DSCAM: variants seen among roughly 807,000 people sequenced by gnomAD.
DSCAM encodes DS cell adhesion molecule.
In DSCAM, 47 loss-of-function variants were observed where a neutral mutation model predicts 217.7. The ratio of observed to expected loss-of-function variants is 0.22; its 90% CI spans 0.17 to 0.28. DSCAM has a LOEUF of 0.28. DSCAM is among the 10% of genes least tolerant of loss of function. The probability of loss-of-function intolerance (pLI) is 1.00; values close to 1 mark genes in which losing one functional copy is unlikely to be tolerated. For synonymous variants in DSCAM, 1,056 were observed against 1,015.3 expected, an observed-to-expected ratio of 1.04 and a Z score of -0.76; for missense variants, 2,080 against 2,618.3, an observed-to-expected ratio of 0.79 and a Z score of 4.49.
chr21:40,549,964 G>A (rs1320234601), intron 3 of DSCAM, among the ~76,000 whole-genome samples: 2 of 152,316 alleles, frequency 1.3e-5, no homozygotes, highest in South Asian at 2.1e-4. Flanking sequence ...GCTAAGCAAA[G>A]AGTCTTGCTT....
At chr21:40,357,767 C>T (rs913863414) in intron 4 of DSCAM, among the ~76,000 whole-genome samples, 5 of 151,766 alleles carry the variant, frequency 3.3e-5, no homozygotes, top group Non-Finnish European at 4.4e-5. Flanking sequence ...TGTTAAATAA[C>T]GAGTTAATGG....
chr21:40,418,252 G>A (rs1429966433), intron 3 of DSCAM, among the ~76,000 whole-genome samples: 2 of 152,152 alleles, frequency 1.3e-5, no homozygotes, highest in African/African-American at 4.8e-5. Context: ...TGGGTGGGAA[G>A]ACAGGAAAGT....
chr21:40,197,119 T>C (rs2091019153), intron 11 of DSCAM, among the ~76,000 whole-genome samples: 1 of 145,020 alleles, frequency 6.9e-6, no homozygotes, highest in East Asian at 1.9e-4. Context: ...TCTTTCTTTC[T>C]TTCTTTTTTT....
intron 3 of DSCAM, among the ~76,000 whole-genome samples, chr21:40,458,833 A>G (rs988687504): frequency 1.3e-5 from 2 of 152,146 alleles, no homozygotes; most frequent in Non-Finnish European, 2.9e-5. Context: ...AAGTTCATTA[A>G]ATATTTCCCC....
intron 3 of DSCAM, among the ~76,000 whole-genome samples, chr21:40,511,500 TC>T (rs371637047): frequency 3.9e-5 from 6 of 152,306 alleles, no homozygotes; most frequent in African/African-American, 1.2e-4. Flanking sequence ...CTTTATCATT[TC>T]TCCAAAGAAA....
intron 10 of DSCAM, among the ~76,000 whole-genome samples, chr21:40,292,550 C>T (rs749010240): frequency 6.6e-6 from 1 of 150,804 alleles, no homozygotes; most frequent in Non-Finnish European, 1.5e-5. Context: ...AAGAGACAGA[C>T]ACTACTGCAA....
intron 3 of DSCAM, among the ~76,000 whole-genome samples, chr21:40,541,382 G>A (rs1435486121): frequency 6.6e-6 from 1 of 152,142 alleles, no homozygotes; most frequent in Non-Finnish European, 1.5e-5. Flanking sequence ...GTAAGCATCA[G>A]ATAATACATA....
chr21:40,736,180 G>C (rs1827349042), intron 1 of DSCAM, among the ~76,000 whole-genome samples: 1 of 152,176 alleles, frequency 6.6e-6, no homozygotes, highest in African/African-American at 2.4e-5. Flanking sequence ...TATGGGGAAA[G>C]GGACACAGAG....
At chr21:40,834,228 GA>G (rs1377632495) in intron 1 of DSCAM, among the ~76,000 whole-genome samples, 1 of 151,698 alleles carries the variant, frequency 6.6e-6, no homozygotes, top group East Asian at 1.9e-4. Flanking sequence ...CTAACATGGT[GA>G]AACCCCGTCT....
chr21:40,139,321 C>T (rs2090259926), intron 18 of DSCAM, among the ~76,000 whole-genome samples: 1 of 151,984 alleles, frequency 6.6e-6, no homozygotes, highest in South Asian at 2.1e-4. Flanking sequence ...TGGTTTTATA[C>T]ATTTTAGGGA....
intron 3 of DSCAM, among the ~76,000 whole-genome samples, chr21:40,576,178 C>G (rs894045783): frequency 6.6e-6 from 1 of 152,184 alleles, no homozygotes; most frequent in African/African-American, 2.4e-5. Context: ...TCCTATTAGT[C>G]AATCCCTGGA....
chr21:40,447,502 A>G (rs1356852947), intron 3 of DSCAM, among the ~76,000 whole-genome samples: 1 of 152,226 alleles, frequency 6.6e-6, no homozygotes, highest in East Asian at 1.9e-4. Flanking sequence ...GTAACCTATG[A>G]TCACAAAACA....
At chr21:40,661,247 T>A (rs1485446241) in intron 3 of DSCAM, among the ~76,000 whole-genome samples, 1 of 152,218 alleles carries the variant, frequency 6.6e-6, no homozygotes, top group African/African-American at 2.4e-5. Flanking sequence ...TGCAGAGGTT[T>A]CAAGATGTGT....
intron 2 of DSCAM, among the ~76,000 whole-genome samples, chr21:40,704,009 C>T (rs1043020734): frequency 7.2e-5 from 11 of 152,088 alleles, no homozygotes; most frequent in African/African-American, 2.4e-4. Flanking sequence ...TAATGTGATA[C>T]ATTTGTGACA....
At chr21:40,369,529 T>A (rs181694417) in intron 3 of DSCAM, among the ~76,000 whole-genome samples, 77 of 151,878 alleles carry the variant, frequency 5.1e-4, no homozygotes, top group African/African-American at 1.7e-3. Flanking sequence ...CCTCATAAAC[T>A]TTTTTTTAGA....
chr21:40,199,725 T>A (rs560005946), intron 11 of DSCAM, among the ~76,000 whole-genome samples: 1 of 152,138 alleles, frequency 6.6e-6, no homozygotes, highest in South Asian at 2.1e-4. Context: ...AGTTGATCAA[T>A]GAGAATACGT....
In DSCAM at chr21:40,381,117, T is replaced by C. The variant is rs185479608; in HGVS notation, c.509-11872A>G. ...GAACTGATAGGACATAGAACTCGCCTGAATGCCAGGATGAGGCAAAGGCGA... is the reference window on the plus strand; with the variant it reads ...GAACTGATAGGACATAGAACTCGCCCGAATGCCAGGATGAGGCAAAGGCGA... On this transcript the variant is annotated intron_variant, in intron 3 of 32. Transcript: ENST00000400454. Among the ~76,000 whole-genome samples the C allele has an allele frequency of 8.8e-5, 13 of 147,490 alleles. No individual in the cohort carries two copies. In the East Asian group the frequency reaches 2.2e-3, roughly 25 times the overall value.
chr21:40,441,930 G>A (rs910848471), intron 3 of DSCAM, among the ~76,000 whole-genome samples: 3 of 152,010 alleles, frequency 2.0e-5, no homozygotes, highest in African/African-American at 7.3e-5. Context: ...ATTGCACACT[G>A]TTTATTTTGC....
chr21:40,654,213 T>C (rs2090048433), intron 3 of DSCAM, among the ~76,000 whole-genome samples: 1 of 152,202 alleles, frequency 6.6e-6, no homozygotes, highest in South Asian at 2.1e-4. Context: ...AATATTTTTG[T>C]TTTCCTTTAA....
Sources: allele counts gnomAD v4.1 joint callset (sites outside exome capture counted in the v4.1 genomes callset), GRCh38; gene constraint gnomAD v4.1.1; transcripts MANE v1.5; gene names NCBI Gene and HGNC (gene_info 2026-07-23, HGNC 2026-07-21).